LRP1B: variants seen among roughly 807,000 people sequenced by gnomAD.
LRP1B encodes the protein low-density lipoprotein receptor-related protein 1B.
A neutral mutation model predicts 556.6 loss-of-function variants in LRP1B; 217 were observed. The observed-to-expected ratio is 0.39, with a 90% confidence interval of 0.35 to 0.44. The LOEUF (loss-of-function observed/expected upper bound fraction) is 0.44. LRP1B is among the 20% of genes least tolerant of loss of function. LRP1B has a pLI of 1.00. For missense variants in LRP1B, 5,053 were observed against 5,620.8 expected, an observed-to-expected ratio of 0.90 and a Z score of 3.23; for synonymous variants, 2,047 against 1,865.8, an observed-to-expected ratio of 1.10 and a Z score of -2.50.
At chr2:140,665,486 A>G (rs2105347690) in intron 41 of LRP1B, among the ~76,000 whole-genome samples, 1 of 152,350 alleles carries the variant, frequency 6.6e-6, no homozygotes, top group South Asian at 2.1e-4. Context: ...CATTCTTCTG[A>G]TAAATAATTA....
At chr2:140,560,051 C>G (rs759741623) in intron 43 of LRP1B, among the ~76,000 whole-genome samples, 6 of 152,040 alleles carry the variant, frequency 3.9e-5, no homozygotes. Flanking sequence ...GTCACTTTAA[C>G]CAAGTGATCA....
chr2:141,600,589 C>A (rs1018123671), intron 2 of LRP1B, among the ~76,000 whole-genome samples: 2 of 151,850 alleles, frequency 1.3e-5, no homozygotes, highest in Non-Finnish European at 2.9e-5. Context: ...ACCATTAGAT[C>A]CAGAGCCAAC....
intron 67 of LRP1B, among the ~76,000 whole-genome samples, chr2:140,381,756 G>C (rs1029386711): frequency 6.6e-6 from 1 of 151,554 alleles, no homozygotes; most frequent in African/African-American, 2.4e-5. Context: ...CAGCTACTTG[G>C]GGGGCTGAGG....
At chr2:141,662,744 C>T (rs1690268915) in intron 2 of LRP1B, among the ~76,000 whole-genome samples, 1 of 151,786 alleles carries the variant, frequency 6.6e-6, no homozygotes, top group Non-Finnish European at 1.5e-5. Context: ...GACTTTAACA[C>T]CCCACTGTCA....
chr2:141,592,509 G>C (rs1201381625), intron 2 of LRP1B, among the ~76,000 whole-genome samples: 2 of 152,110 alleles, frequency 1.3e-5, no homozygotes, highest in East Asian at 3.9e-4. Context: ...TATGATGATG[G>C]TATCTTGGTG....
chr2:140,832,649 A>T (rs1239669321), intron 31 of LRP1B, among the ~76,000 whole-genome samples: 2 of 152,172 alleles, frequency 1.3e-5, no homozygotes, highest in African/African-American at 4.8e-5. Context: ...ACAGAAGGAC[A>T]AATACCACAT....
At chr2:141,938,137 C>T (rs750970316) in intron 1 of LRP1B, among the ~76,000 whole-genome samples, 34 of 151,688 alleles carry the variant, frequency 2.2e-4, no homozygotes, top group African/African-American at 5.8e-4. Context: ...TTCTGCCTAC[C>T]GAAGGAAACA....
rs377649294 is a variant in LRP1B, at chr2:141,871,354, T to C, written c.83-60953A>G. Among the ~76,000 whole-genome samples, 6 of 151,992 alleles carry C rather than the reference T, an allele frequency of 3.9e-5. No individual in the cohort carries two copies. In the East Asian group the frequency reaches 9.7e-4, roughly 24 times the overall value. On this transcript the variant is annotated intron_variant, in intron 1 of 90. Coordinates refer to ENST00000389484, the MANE Select transcript of LRP1B (RefSeq NM_018557.3). ...TACACTTGCCCAGATTGTAATATAA[T>C]AAAGATTAATCTAATTTCTTGCATT...
chr2:140,990,374 A>AT (rs1292872673), intron 16 of LRP1B, among the ~76,000 whole-genome samples: 1 of 152,070 alleles, frequency 6.6e-6, no homozygotes, highest in African/African-American at 2.4e-5. Context: ...TATTAAAAAT[A>AT]TTTTTTAAAC....
At chr2:141,075,211 G>T (rs1196802847) in intron 7 of LRP1B, among the ~76,000 whole-genome samples, 2 of 152,144 alleles carry the variant, frequency 1.3e-5, no homozygotes, top group Non-Finnish European at 2.9e-5. Flanking sequence ...ATGCACTAAT[G>T]TAGAAAGTAG....
chr2:140,738,904 G>A (rs1688040715), intron 35 of LRP1B, among the ~76,000 whole-genome samples: 1 of 152,152 alleles, frequency 6.6e-6, no homozygotes, highest in Admixed American at 6.5e-5. Flanking sequence ...TCTATAATTG[G>A]ATCTTTTGTA....
chr2:140,779,807 A>G (rs1470448576), intron 32 of LRP1B, among the ~76,000 whole-genome samples: 6 of 149,540 alleles, frequency 4.0e-5, no homozygotes, highest in African/African-American at 1.5e-4. Context: ...GGGGAGATAT[A>G]TATCATAAAT....
At chr2:140,970,946 G>A (rs1409309935) in intron 18 of LRP1B, among the ~76,000 whole-genome samples, 1 of 151,690 alleles carries the variant, frequency 6.6e-6, no homozygotes. Context: ...TTGCCTCGTT[G>A]CCCAGGCTGG....
At chr2:140,912,411 A>T in intron 21 of LRP1B, among the ~76,000 whole-genome samples, 1 of 151,784 alleles carries the variant, frequency 6.6e-6, no homozygotes, top group Non-Finnish European at 1.5e-5. Flanking sequence ...AGTAGTTATT[A>T]ATAATAGTAA....
chr2:141,570,916 A>C (rs1266654951), intron 2 of LRP1B, among the ~76,000 whole-genome samples: 1 of 151,106 alleles, frequency 6.6e-6, no homozygotes, highest in Non-Finnish European at 1.5e-5. Flanking sequence ...CCTGGGCCTG[A>C]GCCCCAAGGG....
At chr2:140,756,081 A>G (rs1688733058) in intron 35 of LRP1B, among the ~76,000 whole-genome samples, 1 of 152,042 alleles carries the variant, frequency 6.6e-6, no homozygotes, top group African/African-American at 2.4e-5. Context: ...AAATAAAATT[A>G]AGAAAATTTC....
intron 1 of LRP1B, among the ~76,000 whole-genome samples, chr2:142,066,629 A>G (rs1262550133): frequency 6.6e-6 from 1 of 151,358 alleles, no homozygotes; most frequent in African/African-American, 2.4e-5. Flanking sequence ...CACACTCTTC[A>G]TCTCCTCTGA....
chr2:140,656,819 A>G (rs1473164858), intron 41 of LRP1B, among the ~76,000 whole-genome samples: 1 of 152,182 alleles, frequency 6.6e-6, no homozygotes, highest in East Asian at 1.9e-4. Flanking sequence ...GAGAGTTAAA[A>G]AAGCAAATGT....
chr2:140,824,481 G>T (rs1691437389), intron 31 of LRP1B, among the ~76,000 whole-genome samples: 1 of 151,974 alleles, frequency 6.6e-6, no homozygotes, highest in Admixed American at 6.6e-5. Flanking sequence ...TGTCATTGAG[G>T]TGCTAATGAG....
Sources: gnomAD v4.1 joint callset for allele counts (sites outside exome capture counted in the v4.1 genomes callset) on GRCh38, gnomAD v4.1.1 for gene constraint, MANE v1.5 for transcripts, NCBI Gene and HGNC (gene_info 2026-07-23, HGNC 2026-07-21) for gene names.